Variants in HMGCLL1 observed in about 807,000 individuals in gnomAD.
The protein encoded by HMGCLL1 is 3-hydroxymethyl-3-methylglutaryl-CoA lyase, cytoplasmic.
HMGCLL1 carries 36 observed loss-of-function variants against 39.1 expected under a neutral mutation model. That is an observed-to-expected ratio of 0.92 (90% CI 0.71 to 1.22). The LOEUF (loss-of-function observed/expected upper bound fraction) is 1.22, where lower values mean the gene tolerates loss of function less well. HMGCLL1 is among the 50% of genes most tolerant of loss of function. The probability of loss-of-function intolerance (pLI) is 0.00; values close to 1 mark genes in which losing one functional copy is unlikely to be tolerated. For synonymous variants in HMGCLL1, 149 were observed against 144.0 expected (o/e 1.03, Z -0.25); for missense variants, 451 against 416.5 (o/e 1.08, Z -0.72).
intron 6 of HMGCLL1, among the ~76,000 whole-genome samples, chr6:55,498,744 T>C (rs1448606767): frequency 2.6e-5 from 4 of 152,146 alleles, no homozygotes; most frequent in Admixed American, 6.6e-5. Context: ...TGTAAAATTG[T>C]TCTGGAATAA....
chr6:55,621,618 T>G, the HMGCLL1 span, among the ~76,000 whole-genome samples: 1 of 151,982 alleles, frequency 6.6e-6, no homozygotes, highest in South Asian at 2.1e-4. Flanking sequence ...TGGGACCATC[T>G]AGTTGCAGGA....
At chr6:55,558,832 C>T (rs1020589758) in intron 1 of HMGCLL1, among the ~76,000 whole-genome samples, 1 of 152,152 alleles carries the variant, frequency 6.6e-6, no homozygotes, top group African/African-American at 2.4e-5. Flanking sequence ...CCTTCTATCC[C>T]TTAATGATTC....
intron 3 of HMGCLL1, among the ~76,000 whole-genome samples, chr6:55,527,009 G>A (rs1768357076): frequency 6.6e-6 from 1 of 152,004 alleles, no homozygotes; most frequent in Non-Finnish European, 1.5e-5. Context: ...GTTAGTGAGT[G>A]CAAAAGCTGG....
At chr6:55,628,897 T>C in the HMGCLL1 span, among the ~76,000 whole-genome samples, 1 of 152,188 alleles carries the variant, frequency 6.6e-6, no homozygotes, top group South Asian at 2.1e-4. Context: ...TTGTGTGGCC[T>C]CCTCAGTCAT....
chr6:55,511,007 T>A (rs1284640371), intron 5 of HMGCLL1, among the ~76,000 whole-genome samples: 1 of 151,884 alleles, frequency 6.6e-6, no homozygotes, highest in African/African-American at 2.4e-5. Context: ...ATTCTGAATG[T>A]CTTATATATT....
chr6:55,622,975 T>C, the HMGCLL1 span, among the ~76,000 whole-genome samples: 1 of 152,118 alleles, frequency 6.6e-6, no homozygotes, highest in Non-Finnish European at 1.5e-5. Flanking sequence ...GATTTCTTCC[T>C]GGTTCAATCT....
Position 55,451,131 on chromosome 6 carries a change from TGA to T in HMGCLL1, c.796-11574_796-11573del, listed in dbSNP as rs773448799. Among the ~76,000 whole-genome samples, 292 of 152,186 alleles carry T rather than the reference TGA, an allele frequency of 1.9e-3. 1 individual carries two copies. The highest frequency in any genetic ancestry group is 3.5e-3 in the Non-Finnish European group (235 of 67,990). The stretch of plus-strand genomic sequence containing the variant: ...ATGGGGAAGAGAAGTAGGAAGAGAA[TGA>T]GAGAGACCACAAACAATATTGTTCT... On this transcript the variant is annotated intron_variant, in intron 7 of 8. Transcript: ENST00000274901.
At position 55,495,553 on chromosome 6, in the gene HMGCLL1, T is replaced by G; in HGVS notation, c.661A>C (p.Ile221Leu). ...GCYEISLGDTIGVGTPGSMKR... is the reference protein window; with the variant it reads ...GCYEISLGDTLGVGTPGSMKR... ...ATACTTCCTGGAGTTCCCACTCCAA[T>G]TGTGTCTCCTAGAGAGATCTCATAA... Residue 221 changes from isoleucine (I) to leucine (L), a missense_variant, in exon 7 of 9, where the codon ATT becomes CTT. Transcript: ENST00000274901. 1 of 1,613,586 alleles carries G rather than the reference T, an allele frequency of 6.2e-7. No homozygotes were observed. Among genetic ancestry groups the G allele is most frequent in the Non-Finnish European group, 8.5e-7 (1 of 1,179,576 alleles).
At chr6:55,653,979 C>A in the HMGCLL1 span, among the ~76,000 whole-genome samples, 1 of 151,978 alleles carries the variant, frequency 6.6e-6, no homozygotes, top group African/African-American at 2.4e-5. Context: ...ATGGAGCACC[C>A]ACGGAGATTT....
chr6:55,500,670 A>C (rs898051437), intron 5 of HMGCLL1, among the ~76,000 whole-genome samples: 4 of 152,002 alleles, frequency 2.6e-5, no homozygotes, highest in Non-Finnish European at 4.4e-5. Context: ...CAGGAAGCTC[A>C]TCCCTCCGTT....
At chr6:55,510,482 T>A (rs1297111324) in intron 5 of HMGCLL1, among the ~76,000 whole-genome samples, 2 of 151,414 alleles carry the variant, frequency 1.3e-5, no homozygotes, top group African/African-American at 4.9e-5. Context: ...TGAGTTCATG[T>A]CCTTTGTAGG....
rs754175137 is a variant in HMGCLL1 at position 55,542,041 on chromosome 6, G to C, written c.189+19C>G. 1.4e-6 allele frequency: 2 copies of C among 1,436,948 alleles called. No homozygotes were observed. Among genetic ancestry groups the C allele is most frequent in the South Asian group, 2.3e-5 (2 of 85,234 alleles). The allele number at this position is 1,436,948 out of a possible 1,614,324, so 89.0% of individuals were successfully genotyped here. A position where few individuals can be genotyped will look rare whatever the true frequency, so the allele number is the denominator to read the frequency against. ...TATTAATTTGTAGACAGCATTTGAA[G>C]TAAATGATGTAAAACTACCTTTTCA... On this transcript the variant is annotated intron_variant, in intron 2 of 8. Transcript: ENST00000274901.
chr6:55,495,048 TATG>T (rs1766502417), intron 7 of HMGCLL1, among the ~76,000 whole-genome samples: 1 of 152,228 alleles, frequency 6.6e-6, no homozygotes, highest in Non-Finnish European at 1.5e-5. Flanking sequence ...GTTTCATGAT[TATG>T]ATAGTCTACT....
intron 7 of HMGCLL1, among the ~76,000 whole-genome samples, chr6:55,477,952 A>G (rs886638258): frequency 6.6e-6 from 1 of 151,126 alleles, no homozygotes; most frequent in African/African-American, 2.4e-5. Flanking sequence ...CTGTATTTTA[A>G]CATTCTCTGA....
chr6:55,625,701 T>A, the HMGCLL1 span, among the ~76,000 whole-genome samples: 1 of 152,150 alleles, frequency 6.6e-6, no homozygotes, highest in African/African-American at 2.4e-5. Context: ...ATATACTGAT[T>A]CATGGGCTGT....
intron 1 of HMGCLL1, among the ~76,000 whole-genome samples, chr6:55,547,171 A>G (rs1581932756): frequency 6.6e-6 from 1 of 152,188 alleles, no homozygotes; most frequent in East Asian, 1.9e-4. Context: ...CTATTGAGTT[A>G]TGGTTGAAGA....
At chr6:55,615,782 T>A in the HMGCLL1 span, among the ~76,000 whole-genome samples, 2 of 152,096 alleles carry the variant, frequency 1.3e-5, no homozygotes, top group African/African-American at 4.8e-5. Flanking sequence ...GACAACTTCC[T>A]CTCTACCAAC....
rs1767749667 is a variant in HMGCLL1 at position 55,516,565 on chromosome 6, T to G, written c.336A>C (p.Gln112His). 6.2e-7 allele frequency: 1 copy of G among 1,603,380 alleles called. No individual in the cohort carries two copies. Among genetic ancestry groups the G allele is most frequent in the Non-Finnish European group, 8.5e-7 (1 of 1,172,780 alleles). The change falls in exon 4 of 9, where the codon CAA becomes CAC. Residue 112 changes from glutamine (Q) to histidine (H), a missense_variant. Physicochemically the swap from Gln to His is conservative, Grantham distance 24 (BLOSUM62 0). Transcript: ENST00000274901. ...DHTEVMKGIHQYPGVRYPVLT... is the reference protein window; with the variant it reads ...DHTEVMKGIHHYPGVRYPVLT... The stretch of plus-strand genomic sequence containing the variant: ...GGACAGGATAGCGAACTCCTGGATA[T>G]TGATGAATGCCTTTCATTACTTCAG...
At chr6:55,503,195 T>A (rs1193556462) in intron 5 of HMGCLL1, among the ~76,000 whole-genome samples, 1 of 151,840 alleles carries the variant, frequency 6.6e-6, no homozygotes, top group African/African-American at 2.4e-5. Flanking sequence ...AATTTCTACC[T>A]TAATTTCTTA....
Sources: allele counts gnomAD v4.1 joint callset (sites outside exome capture counted in the v4.1 genomes callset), GRCh38; gene constraint gnomAD v4.1.1; transcripts MANE v1.5; gene names NCBI Gene and HGNC (gene_info 2026-07-23, HGNC 2026-07-21).